CCR6: variants seen among roughly 807,000 people sequenced by gnomAD.
The protein encoded by CCR6 is C-C chemokine receptor type 6.
CCR6 carries 2 observed loss-of-function variants against 3.0 expected under a neutral mutation model. The ratio of observed to expected loss-of-function variants is 0.66; its 90% CI spans 0.27 to 2.07. The LOEUF is 2.07. Ranked by LOEUF, CCR6 falls within the 30% of genes most tolerant of loss-of-function variation. The probability of loss-of-function intolerance (pLI) is 0.14; values close to 1 mark genes in which losing one functional copy is unlikely to be tolerated. For synonymous variants in CCR6, 193 were observed against 184.3 expected (o/e 1.05, Z -0.38); for missense variants, 322 against 462.8 (o/e 0.70, Z 2.79).
intron 1 of CCR6, among the ~76,000 whole-genome samples, chr6:167,130,867 G>A (rs555843174): frequency 5.4e-4 from 78 of 143,616 alleles, no homozygotes; most frequent in Admixed American, 1.3e-3. Flanking sequence ...TAGCTCTGCC[G>A]GGAACTTCCT....
At chr6:167,115,687 A>G (rs951816284) in intron 1 of CCR6, 3 of 152,260 alleles carry the variant, frequency 2.0e-5, no homozygotes, top group African/African-American at 2.4e-5. Context: ...AGTGATATCC[A>G]TAATAGTCAC....
At chr6:167,125,394 C>T (rs1473222308) in intron 1 of CCR6, among the ~76,000 whole-genome samples, 2 of 152,218 alleles carry the variant, frequency 1.3e-5, no homozygotes, top group East Asian at 1.9e-4. Context: ...TGCTTGGTCC[C>T]CCCAACCCCT....
chr6:167,114,686 C>A (rs1781467662), intron 1 of CCR6, among the ~76,000 whole-genome samples: 1 of 152,198 alleles, frequency 6.6e-6, no homozygotes. Context: ...CGTCACCGTG[C>A]ACACGTCACC....
intron 1 of CCR6, among the ~76,000 whole-genome samples, chr6:167,132,083 T>C (rs757445103): frequency 2.6e-5 from 4 of 152,206 alleles, no homozygotes; most frequent in Non-Finnish European, 5.9e-5. Flanking sequence ...AATGGTGCAG[T>C]GCATGGTCTC....
At chr6:167,115,742 G>A (rs1336677215) in intron 1 of CCR6, 2 of 152,162 alleles carry the variant, frequency 1.3e-5, no homozygotes, top group African/African-American at 4.8e-5. Context: ...GTTTCATTAT[G>A]CAACCAACTT....
At chr6:167,118,522 A>G (rs1419797227), upstream of CCR6, among the ~76,000 whole-genome samples, 3 of 152,184 alleles carry the variant, frequency 2.0e-5, no homozygotes, top group African/African-American at 7.2e-5. Flanking sequence ...TTAGTAAATA[A>G]AAAGTAAGCT....
chr6:167,130,963 T>A (rs797012875), intron 1 of CCR6, among the ~76,000 whole-genome samples: 12 of 100,230 alleles, frequency 1.2e-4, no homozygotes, highest in East Asian at 9.9e-4. Flanking sequence ...CCGGGACTCC[T>A]CCCTCTGGGA....
upstream of CCR6, among the ~76,000 whole-genome samples, chr6:167,119,622 G>T (rs530951521): frequency 6.6e-6 from 1 of 152,216 alleles, no homozygotes; most frequent in Non-Finnish European, 1.5e-5. Context: ...CATATACAGT[G>T]AGCATTGAAG....
chr6:167,120,912 G>A (rs1781575174), upstream of CCR6: 1 of 152,232 alleles, frequency 6.6e-6, no homozygotes. Flanking sequence ...CTTTCTCAGG[G>A]TGACATATAA....
Position 167,138,185 on chromosome 6 carries a change from T to C in CCR6, c.*830T>C, listed in dbSNP as rs3093005. On this transcript the variant is annotated 3_prime_UTR_variant, in exon 3 of 3. Transcript: ENST00000341935. ...TGCTCACAGCTGTGCTCTGAGTGCC[T>C]AGCGGAGTTCCAGCAAACAAAATGG... is the stretch of plus-strand genomic sequence containing the variant. 0.031 allele frequency: 4,676 copies of C among 152,404 alleles called. 95 individuals carry two copies. Among genetic ancestry groups the C allele is most frequent in the East Asian group, 0.066 (348 of 5,310 alleles). The allele number at this position is 152,404 out of a possible 1,614,324, so 9.4% of individuals were successfully genotyped here.
upstream of CCR6, among the ~76,000 whole-genome samples, chr6:167,120,584 G>A (rs41440846): frequency 2.9e-3 from 442 of 152,298 alleles, 2 homozygotes; most frequent in African/African-American, 9.8e-3. Flanking sequence ...TGTAGCCAGA[G>A]GCAGATGGCT....
Position 167,137,047 on chromosome 6 carries a change from G to T in CCR6, c.817G>T (p.Val273Phe). 3.1e-6 allele frequency: 5 copies of T among 1,614,136 alleles called. No individual in the cohort carries two copies. The highest frequency in any genetic ancestry group is 4.2e-6 in the Non-Finnish European group (5 of 1,180,032). The change falls in exon 3 of 3, where the codon GTC becomes TTC. Residue 273 changes from valine to phenylalanine, a missense_variant. By Grantham distance (50) the Val-to-Phe change is conservative (BLOSUM62 -1). Coordinates refer to ENST00000341935, the MANE Select transcript of CCR6 (RefSeq NM_031409.4). This position sits in a 1 kb window ranked among gnomAD's most constrained non-coding sequence, Gnocchi z 4.6. ...GGCTTGTCAGATTCCTCATAACATGGTCCTGCTTGTGACGGCTGCAAATTT... is the reference window on the plus strand; with the variant it reads ...GGCTTGTCAGATTCCTCATAACATGTTCCTGCTTGTGACGGCTGCAAATTT... The part of the protein sequence containing the change: ...FLACQIPHNM[V>F]LLVTAANLGK...
rs770674712 is a variant in CCR6 at position 167,136,358 on chromosome 6, A to T, written c.128A>T (p.Gln43Leu). 2.5e-6 allele frequency: 4 copies of T among 1,614,108 alleles called. No homozygotes were observed. The highest frequency in any genetic ancestry group is 3.4e-6 in the Non-Finnish European group (4 of 1,180,048). Residue 43 changes from glutamine to leucine, a missense_variant, in exon 3 of 3, where the codon CAG (glutamine) becomes CTG (leucine). Physicochemically the swap from Gln to Leu is moderately radical, Grantham distance 113. Transcript: ENST00000341935. The surrounding 1 kb of genome is among the most constrained non-coding windows in gnomAD (Gnocchi z 4.6). ...MLLCSLQEVR[Q>L]FSRLFVPIAY... ...CTGTGCTCCTTGCAGGAGGTCAGGCAGTTCTCCAGGCTATTTGTACCGATT... is the reference window on the plus strand; with the variant it reads ...CTGTGCTCCTTGCAGGAGGTCAGGCTGTTCTCCAGGCTATTTGTACCGATT...
chr6:167,120,952 A>C (rs933808321), upstream of CCR6: 1 of 152,300 alleles, frequency 6.6e-6, no homozygotes, highest in South Asian at 2.1e-4. Flanking sequence ...TACAGAAGGA[A>C]TATGGGGCAA....
chr6:167,118,398 A>G (rs1283901116), upstream of CCR6, among the ~76,000 whole-genome samples: 3 of 152,228 alleles, frequency 2.0e-5, no homozygotes, highest in Non-Finnish European at 4.4e-5. Flanking sequence ...AGAATCTCCA[A>G]GAATTTTCAG....
rs1781790192 is a variant in CCR6 at position 167,132,738 on chromosome 6, A to C, written c.-97-3300A>C. Among the ~76,000 whole-genome samples, 4 of 152,140 alleles carry C rather than the reference A, an allele frequency of 2.6e-5. No individual in the cohort carries two copies. In the South Asian group the frequency reaches 8.3e-4, roughly 32 times the overall value. ...GTATTTTTAGTAAAGATGGGGTTTC[A>C]CCATGTTGGCCAGGATGGTCTCGAA... On this transcript the variant is annotated intron_variant, in intron 1 of 2. Coordinates refer to ENST00000341935, the MANE Select transcript of CCR6 (RefSeq NM_031409.4).
At chr6:167,128,946 C>T (rs1020984706) in intron 1 of CCR6, among the ~76,000 whole-genome samples, 9 of 152,190 alleles carry the variant, frequency 5.9e-5, no homozygotes, top group African/African-American at 2.2e-4. Context: ...TTACCCATTG[C>T]TTGATTCTGT....
At position 167,138,750 on chromosome 6, in the gene CCR6, C is replaced by G. The variant is rs181542353; in HGVS notation, c.*1395C>G. ...TTTGAGACCAGCCTGGCCAACATGG[C>G]GAAACCCCTCTCTACTAAAAATACA... On this transcript the variant is annotated 3_prime_UTR_variant, in exon 3 of 3. Transcript: ENST00000341935. 1.3e-5 allele frequency: 2 copies of G among 152,008 alleles called. No homozygotes were observed. Among genetic ancestry groups the G allele is most frequent in the East Asian group, 3.8e-4 (2 of 5,228 alleles). The allele number at this position is 152,008 out of a possible 1,614,324, so 9.4% of individuals were successfully genotyped here.
chr6:167,113,144 GA>G (rs1342030876), intron 1 of CCR6, among the ~76,000 whole-genome samples: 1 of 151,968 alleles, frequency 6.6e-6, no homozygotes, highest in Admixed American at 6.5e-5. Flanking sequence ...GGCAGCCTGA[GA>G]AAGAGGAAAT....
Sources: gnomAD v4.1 joint callset for allele counts (sites outside exome capture counted in the v4.1 genomes callset) on GRCh38, gnomAD v4.1.1 for gene constraint, Gnocchi (gnomAD v3.1) non-coding constraint, MANE v1.5 for transcripts, NCBI Gene and HGNC (gene_info 2026-07-23, HGNC 2026-07-21) for gene names.